Variants in SH2D7 observed in about 807,000 individuals in gnomAD.
SH2D7 encodes the protein SH2 domain-containing protein 7.
A neutral mutation model predicts 40.8 loss-of-function variants in SH2D7; 32 were observed. The observed-to-expected ratio is 0.78, with a 90% CI of 0.59 to 1.05. SH2D7 has a LOEUF of 1.05. SH2D7 is among the 50% of genes least tolerant of loss of function. The probability of loss-of-function intolerance (pLI) is 0.00; values close to 1 mark genes in which losing one functional copy is unlikely to be tolerated. For missense variants in SH2D7, 559 were observed against 566.6 expected, an observed-to-expected ratio of 0.99 and a Z score of 0.14; for synonymous variants, 195 against 221.5, an observed-to-expected ratio of 0.88 and a Z score of 1.06.
chr15:78,091,210 A>C (rs183629121), upstream of SH2D7: 1 of 152,202 alleles, frequency 6.6e-6, no homozygotes, highest in Non-Finnish European at 1.5e-5. Flanking sequence ...CTTCAGAATG[A>C]GTTAGACAGA....
rs1446805309 is a variant in SH2D7 at position 78,101,017 on chromosome 15, G to A, written c.764G>A (p.Gly255Asp). ...DLRRMNQARL[G>D]LGTEGSGRHG... Reference sequence around the variant, plus strand: ...AGGAGGATGAACCAGGCACGGCTAGGCTTGGGCACAGAGGGGTCCGGCAGG... The same window carrying A: ...AGGAGGATGAACCAGGCACGGCTAGACTTGGGCACAGAGGGGTCCGGCAGG... The change falls in exon 5 of 6, where the codon GGC (glycine) becomes GAC (aspartate). Residue 255 changes from glycine (G) to aspartate (D), a missense_variant. Transcript: ENST00000328828. 6.2e-7 allele frequency: 1 copy of A among 1,613,532 alleles called. No homozygotes were observed. The highest frequency in any genetic ancestry group is 8.5e-7 in the Non-Finnish European group (1 of 1,179,686).
At chr15:78,097,062 A>G (rs913471720) in intron 2 of SH2D7, among the ~76,000 whole-genome samples, 1 of 152,238 alleles carries the variant, frequency 6.6e-6, no homozygotes, top group African/African-American at 2.4e-5. Context: ...GAAAAAAAAG[A>G]AACTAATTCT....
rs530901788 is a variant in SH2D7, at chr15:78,098,589, G to C, written c.638G>C (p.Ser213Thr). Residue 213 changes from serine to threonine, a missense_variant, in exon 4 of 6, where the codon AGC becomes ACC. Physicochemically the swap from Ser to Thr is moderately conservative, Grantham distance 58. Transcript: ENST00000328828. The part of the protein sequence containing the change: ...VSPRNLSQEE[S>T]MEAPIRVSPL... The stretch of plus-strand genomic sequence containing the variant: ...CCCCGGAACCTCTCCCAGGAGGAAA[G>C]CATGGAGGTGAGGAGCATTATGGGC... 5.1e-5 allele frequency: 82 copies of C among 1,613,534 alleles called. 1 individual carries two copies. The South Asian group carries it at 8.8e-4, about 17-fold the overall frequency.
rs1373264229 is a variant in SH2D7, at chr15:78,101,389, C to T, written c.1136C>T (p.Ala379Val). 2.5e-6 allele frequency: 4 copies of T among 1,613,562 alleles called. No individual in the cohort carries two copies. Among genetic ancestry groups the T allele is most frequent in the Non-Finnish European group, 3.4e-6 (4 of 1,179,740 alleles). Residue 379 changes from alanine to valine, a missense_variant, in exon 5 of 6, where the codon GCT becomes GTT. Transcript: ENST00000328828. ...GGCAGCACCTATGAGCAGATCCCAG[C>T]TTGCTGGGGTGGCCCAGCCAGGGCC... is the stretch of plus-strand genomic sequence containing the variant. ...QEGSTYEQIPACWGGPARAPH... is the reference protein window; with the variant it reads ...QEGSTYEQIPVCWGGPARAPH...
Position 78,103,431 on chromosome 15 carries a change from A to G in SH2D7, c.1306-34A>G, listed in dbSNP as rs753220045. On this transcript the variant is annotated intron_variant, in intron 5 of 5. Coordinates refer to ENST00000328828, the MANE Select transcript of SH2D7 (RefSeq NM_001101404.2). ...TGGGTCTTTCCCTCCCTGTCCAGCG[A>G]CCCCAGGCCCCAGTATCTCCTCCTT... 18 of 1,551,540 alleles carry G rather than the reference A, an allele frequency of 1.2e-5. 1 individual carries two copies. In the South Asian group the frequency reaches 1.5e-4, roughly 13 times the overall value.
chr15:78,093,357 A>C (rs1445018732), intron 1 of SH2D7, among the ~76,000 whole-genome samples: 2 of 152,200 alleles, frequency 1.3e-5, no homozygotes, highest in Non-Finnish European at 2.9e-5. Context: ...CATTTGGTTT[A>C]ATGCTCTGCT....
chr15:78,102,046 G>A (rs2074021333), intron 5 of SH2D7, among the ~76,000 whole-genome samples: 1 of 152,144 alleles, frequency 6.6e-6, no homozygotes. Context: ...GAGCTTGGGA[G>A]TTTGAGACCA....
At chr15:78,094,574 G>T (rs1372801802) in intron 2 of SH2D7, among the ~76,000 whole-genome samples, 3 of 152,052 alleles carry the variant, frequency 2.0e-5, no homozygotes, top group African/African-American at 7.2e-5. Flanking sequence ...AGACAAGGGT[G>T]CTGGGGGAGC....
intron 2 of SH2D7, among the ~76,000 whole-genome samples, chr15:78,095,678 A>C (rs987362132): frequency 5.9e-5 from 9 of 152,216 alleles, no homozygotes; most frequent in African/African-American, 1.7e-4. Context: ...AAAGCAAAAC[A>C]ATACCATTTC....
chr15:78,091,181 A>G (rs375854051), upstream of SH2D7: 1 of 152,316 alleles, frequency 6.6e-6, no homozygotes, highest in Non-Finnish European at 1.5e-5. Flanking sequence ...GAAAAATGAA[A>G]CCAAGCATCT....
At position 78,098,523 on chromosome 15, in the gene SH2D7, A is replaced by G; in HGVS notation, c.572A>G (p.Gln191Arg). 6.2e-7 allele frequency: 1 copy of G among 1,614,004 alleles called. No homozygotes were observed. The highest frequency in any genetic ancestry group is 8.5e-7 in the Non-Finnish European group (1 of 1,179,874). Residue 191 changes from glutamine (Q) to arginine (R), a missense_variant, in exon 4 of 6, where the codon CAG (glutamine) becomes CGG (arginine). Physicochemically the swap from Gln to Arg is conservative, Grantham distance 43. Coordinates refer to ENST00000328828, the MANE Select transcript of SH2D7 (RefSeq NM_001101404.2). Reference sequence around the variant, plus strand: ...AGCCCCCGCTCTTCTCCAAAGCCCCAGGTCTCCTTCCTCCATGCACAGAAA... The same window carrying G: ...AGCCCCCGCTCTTCTCCAAAGCCCCGGGTCTCCTTCCTCCATGCACAGAAA... ...AASPRSSPKP[Q>R]VSFLHAQKSL... is the part of the protein sequence containing the mutation.
intron 4 of SH2D7, 135 bp downstream of exon 4, chr15:78,098,731 GA>G: frequency 9.4e-7 from 1 of 1,060,250 alleles, no homozygotes; most frequent in Non-Finnish European, 1.4e-6. Flanking sequence ...CAGAGGTGCG[GA>G]CCCAGCTTGG....
chr15:78,093,063 A>C (rs2073949586), intron 1 of SH2D7, among the ~76,000 whole-genome samples: 1 of 152,360 alleles, frequency 6.6e-6, no homozygotes, highest in South Asian at 2.1e-4. Flanking sequence ...CTAGGGGACC[A>C]TATCTTTTAT....
In SH2D7 at chr15:78,097,931, G is replaced by C; in HGVS notation, c.269G>C (p.Gly90Ala). The change falls in exon 3 of 6, where the codon GGC becomes GCC. Residue 90 changes from glycine (G) to alanine (A), a missense_variant and splice_region_variant. Physicochemically the swap from Gly to Ala is moderately conservative, Grantham distance 60. Transcript: ENST00000328828. The part of the protein sequence containing the change: ...RATGYILSYR[G>A]SDRCRHFVIN... ...GACCACAAGCACTTGTGTTGCAGGG[G>C]CAGTGATCGCTGCCGACATTTTGTC... 3 of 1,613,538 alleles carry C rather than the reference G, an allele frequency of 1.9e-6. No individual in the cohort carries two copies. Among genetic ancestry groups the C allele is most frequent in the Non-Finnish European group, 1.7e-6 (2 of 1,179,594 alleles).
intron 1 of SH2D7, 106 bp from the exon 2 acceptor site, chr15:78,094,005 TG>T: frequency 9.0e-7 from 1 of 1,112,452 alleles, no homozygotes; most frequent in Non-Finnish European, 1.3e-6. Context: ...GTTGGAGGTC[TG>T]GAACCCAAAG....
In SH2D7 at chr15:78,094,102, TTCTGCC is replaced by T; in HGVS notation, c.177-9_177-4del. 1 of 1,601,522 alleles carries T rather than the reference TTCTGCC, an allele frequency of 6.2e-7. No individual in the cohort carries two copies. The highest frequency in any genetic ancestry group is 1.1e-5 in the South Asian group (1 of 88,414). On this transcript the variant is annotated splice_region_variant and splice_polypyrimidine_tract_variant and intron_variant, in intron 1 of 5. Transcript: ENST00000328828. ...CACAGACCCCAGCTAATGGCATGTC[TTCTGCC>T]CAGGCAGACGGAGCAGCTACTCAGG...
In SH2D7 at chr15:78,096,325, A is replaced by G. The variant is rs542931525; in HGVS notation, c.267-1604A>G. 3.9e-5 allele frequency among the ~76,000 whole-genome samples: 6 copies of G among 152,324 alleles called. No individual in the cohort carries two copies. In the South Asian group the frequency reaches 1.2e-3, roughly 32 times the overall value. ...AATAGATAATTCAATAAGTAAAAGC[A>G]AAAGAACTGAGCAGGCACTTTACCA... On this transcript the variant is annotated intron_variant, in intron 2 of 5. Transcript: ENST00000328828.
Position 78,098,410 on chromosome 15 carries a change from C to T in SH2D7, c.459C>T (p.Ala153=). The stretch of plus-strand genomic sequence containing the variant: ...CAGAGGACAATGATCTGTATGATGC[C>T]ATCACCCGGGGCCTCCACCAGACCA... ...PRPEDNDLYD[A]ITRGLHQTIV... is the part of the protein sequence containing the mutation. Residue 153 remains alanine, a synonymous_variant, in exon 4 of 6, where the codon GCC becomes GCT. Coordinates refer to ENST00000328828, the MANE Select transcript of SH2D7 (RefSeq NM_001101404.2). 6.2e-7 allele frequency: 1 copy of T among 1,613,840 alleles called. No homozygotes were observed. Among genetic ancestry groups the T allele is most frequent in the South Asian group, 1.1e-5 (1 of 91,064 alleles).
At chr15:78,097,067 A>G (rs1204066418) in intron 2 of SH2D7, among the ~76,000 whole-genome samples, 1 of 152,246 alleles carries the variant, frequency 6.6e-6, no homozygotes, top group Non-Finnish European at 1.5e-5. Context: ...AAAAGAAACT[A>G]ATTCTACTTG....
Sources: allele counts gnomAD v4.1 joint callset (sites outside exome capture counted in the v4.1 genomes callset), GRCh38; gene constraint gnomAD v4.1.1; transcripts MANE v1.5; gene names NCBI Gene and HGNC (gene_info 2026-07-23, HGNC 2026-07-21).